Variants in ZNF723 observed in about 807,000 individuals in gnomAD.
ZNF723 encodes zinc finger protein 723, also known as zinc finger protein 723, pseudogene.
ZNF723 carries 5 observed loss-of-function variants against 9.4 expected under a neutral mutation model. That is an observed-to-expected ratio of 0.53 (90% CI 0.28 to 1.12). The LOEUF is 1.12. Ranked by LOEUF, ZNF723 falls within the 50% of genes most tolerant of loss-of-function variation. The probability of loss-of-function intolerance (pLI) is 0.10; values close to 1 mark genes in which losing one functional copy is unlikely to be tolerated. For missense variants in ZNF723, 450 were observed against 501.5 expected (o/e 0.90, Z 0.98); for synonymous variants, 158 against 168.8 (o/e 0.94, Z 0.49).
Position 22,857,848 on chromosome 19 carries a change from C to T in ZNF723, c.957C>T (p.Gly319=). ...AACCCTACAAATGTGAAGAATGTGG[C>T]AAAGCCTTTAACCAGCCCTCACACC... is the stretch of plus-strand genomic sequence containing the variant. ...GEKPYKCEEC[G]KAFNQPSHLA... The change falls in exon 4 of 4, where the codon GGC becomes GGT. Residue 319 remains glycine (G), a synonymous_variant. Coordinates refer to ENST00000600766, the MANE Select transcript of ZNF723 (RefSeq NM_001349726.2). 7.1e-7 allele frequency: 1 copy of T among 1,407,436 alleles called. No homozygotes were observed. The highest frequency in any genetic ancestry group is 1.0e-6 in the Non-Finnish European group (1 of 992,656). 87.2% of individuals were successfully genotyped at this position (1,407,436 alleles called of 1,614,324 possible). A position where few individuals can be genotyped will look rare whatever the true frequency, so the allele number is the denominator to read the frequency against.
At chr19:22,851,670 T>G (rs1429412314) in intron 3 of ZNF723, among the ~76,000 whole-genome samples, 1 of 152,206 alleles carries the variant, frequency 6.6e-6, no homozygotes, top group Non-Finnish European at 1.5e-5. Flanking sequence ...CTGGCCACCA[T>G]GTAGCATTTG....
At chr19:22,812,328 A>G in the ZNF723 span, among the ~76,000 whole-genome samples, 1 of 152,210 alleles carries the variant, frequency 6.6e-6, no homozygotes, top group Non-Finnish European at 1.5e-5. Flanking sequence ...ACCCTCACGC[A>G]TGAACAGAGC....
intron 3 of ZNF723, among the ~76,000 whole-genome samples, chr19:22,856,868 C>G (rs987106073): frequency 1.3e-5 from 2 of 152,146 alleles, no homozygotes; most frequent in Non-Finnish European, 2.9e-5. Flanking sequence ...TGGGTAGATG[C>G]AATAAACTTT....
the ZNF723 span, among the ~76,000 whole-genome samples, chr19:22,816,976 T>C: frequency 6.6e-6 from 1 of 152,364 alleles, no homozygotes; most frequent in East Asian, 1.9e-4. Context: ...ACCTAGGTGA[T>C]GCGGCTATTT....
At chr19:22,820,940 C>T in the ZNF723 span, among the ~76,000 whole-genome samples, 1 of 152,282 alleles carries the variant, frequency 6.6e-6, no homozygotes, top group South Asian at 2.1e-4. Flanking sequence ...GGCTGTGAAT[C>T]TCCCACGTGG....
Position 22,832,595 on chromosome 19 carries a change from C to G in ZNF723, c.3+213C>G, listed in dbSNP as rs568259384. Among the ~76,000 whole-genome samples the G allele has an allele frequency of 3.5e-4, 54 of 152,262 alleles. No homozygotes were observed. The East Asian group carries it at 8.5e-3, about 24-fold the overall frequency. Reference sequence around the variant, plus strand: ...GTCTTGTCTCTTCCCTGGCAGTGACCGTGCCCTGGCCTGGAGCCCTCTCTG... The same window carrying G: ...GTCTTGTCTCTTCCCTGGCAGTGACGGTGCCCTGGCCTGGAGCCCTCTCTG... On this transcript the variant is annotated intron_variant, in intron 1 of 3. Coordinates refer to ENST00000600766, the MANE Select transcript of ZNF723 (RefSeq NM_001349726.2).
At chr19:22,813,753 A>G in the ZNF723 span, among the ~76,000 whole-genome samples, 1 of 151,918 alleles carries the variant, frequency 6.6e-6, no homozygotes, top group African/African-American at 2.4e-5. Flanking sequence ...AAACAAACAA[A>G]CAAACAAAAA....
At chr19:22,853,464 G>A (rs1382060798) in intron 3 of ZNF723, among the ~76,000 whole-genome samples, 3 of 151,970 alleles carry the variant, frequency 2.0e-5, no homozygotes, top group African/African-American at 7.3e-5. Flanking sequence ...TCTCCAGAGT[G>A]TGCTGTTTAA....
rs115008722 is a variant in ZNF723, at chr19:22,852,290, T to C, written c.226+2997T>C. 5.4e-3 allele frequency among the ~76,000 whole-genome samples: 821 copies of C among 152,320 alleles called. 13 individuals are homozygous for C. Among genetic ancestry groups the C allele is most frequent in the African/African-American group, 0.018 (762 of 41,582 alleles). The stretch of plus-strand genomic sequence containing the variant: ...TTTCTGTGTTATATATTTTAGAATA[T>C]GCCACCTCATAGCAGTTAATTGTGT... On this transcript the variant is annotated intron_variant, in intron 3 of 3. Coordinates refer to ENST00000600766, the MANE Select transcript of ZNF723 (RefSeq NM_001349726.2).
intron 3 of ZNF723, among the ~76,000 whole-genome samples, chr19:22,852,025 G>GTGATC (rs1311217443): frequency 6.6e-6 from 1 of 152,140 alleles, no homozygotes; most frequent in Admixed American, 6.5e-5. Flanking sequence ...CCAACCTCAG[G>GTGATC]TGATCTGCCC....
At position 22,857,517 on chromosome 19, in the gene ZNF723, C is replaced by T; in HGVS notation, c.626C>T (p.Ala209Val). The T allele has an allele frequency of 1.6e-6, 2 of 1,225,314 alleles. No individual in the cohort carries two copies. Among genetic ancestry groups the T allele is most frequent in the Non-Finnish European group, 2.4e-6 (2 of 827,534 alleles). The allele number at this position is 1,225,314 out of a possible 1,614,324, so 75.9% of individuals were successfully genotyped here. A position where few individuals can be genotyped will look rare whatever the true frequency, so the allele number is the denominator to read the frequency against. The change falls in exon 4 of 4, where the codon GCC becomes GTC. Residue 209 changes from alanine (A) to valine (V), a missense_variant. Coordinates refer to ENST00000600766, the MANE Select transcript of ZNF723 (RefSeq NM_001349726.2). ...NCYKCEECGKAFSVPSKLNNH... is the reference protein window; with the variant it reads ...NCYKCEECGKVFSVPSKLNNH... ...TACAAATGTGAAGAATGTGGCAAAG[C>T]CTTTAGTGTGCCCTCAAAGCTTAAT...
the ZNF723 span, among the ~76,000 whole-genome samples, chr19:22,818,339 C>T: frequency 1.6e-3 from 244 of 152,240 alleles, 1 homozygote; most frequent in African/African-American, 5.4e-3. Context: ...ATGAATACAG[C>T]CCTCAGTTGA....
the ZNF723 span, among the ~76,000 whole-genome samples, chr19:22,824,166 C>T: frequency 6.6e-6 from 1 of 152,188 alleles, no homozygotes; most frequent in Non-Finnish European, 1.5e-5. Flanking sequence ...ATTGCTGAAA[C>T]CAGGATAATG....
At chr19:22,821,929 T>C in the ZNF723 span, among the ~76,000 whole-genome samples, 1 of 152,122 alleles carries the variant, frequency 6.6e-6, no homozygotes, top group Non-Finnish European at 1.5e-5. Context: ...CCCAATATGG[T>C]GAAACCCCAT....
At chr19:22,848,537 AG>A (rs1568406799) in intron 2 of ZNF723, 150 bp downstream of exon 2, 1 of 661,162 alleles carries the variant, frequency 1.5e-6, no homozygotes, top group Admixed American at 3.2e-5. Context: ...AGTGTAGAAA[AG>A]AATTTCTTCA....
At chr19:22,820,567 G>A in the ZNF723 span, among the ~76,000 whole-genome samples, 1 of 152,132 alleles carries the variant, frequency 6.6e-6, no homozygotes, top group Non-Finnish European at 1.5e-5. Context: ...GATCATAGAT[G>A]CAATAATGAC....
chr19:22,848,377 G>A lies in ZNF723; in HGVS notation c.120G>A (p.Leu40=). The change falls in exon 2 of 4, where the codon CTG becomes CTA. Residue 40 remains leucine, a synonymous_variant. Transcript: ENST00000600766. The stretch of plus-strand genomic sequence containing the variant: ...TGATGTTAGAGAACTACAGAAACCT[G>A]GTCTTCCTGGGTGAGAATAACTTCA... ...RDVMLENYRN[L]VFLGVGVSKP... is the part of the protein sequence containing the mutation. 1 of 1,454,520 alleles carries A rather than the reference G, an allele frequency of 6.9e-7. No homozygotes were observed. The highest frequency in any genetic ancestry group is 9.6e-7 in the Non-Finnish European group (1 of 1,042,606). 90.1% of individuals were successfully genotyped at this position (1,454,520 alleles called of 1,614,324 possible).
intron 1 of ZNF723, among the ~76,000 whole-genome samples, chr19:22,832,826 A>G (rs539389994): frequency 6.6e-6 from 1 of 152,352 alleles, no homozygotes; most frequent in Admixed American, 6.5e-5. Context: ...TTCAAAAATT[A>G]TAGAGCACCC....
the ZNF723 span, among the ~76,000 whole-genome samples, chr19:22,814,175 T>C: frequency 6.6e-6 from 1 of 152,062 alleles, no homozygotes; most frequent in Non-Finnish European, 1.5e-5. Context: ...ATTCAGAAAA[T>C]TGAAAAGATG....
Sources: allele counts gnomAD v4.1 joint callset (sites outside exome capture counted in the v4.1 genomes callset), GRCh38; gene constraint gnomAD v4.1.1; transcripts MANE v1.5; gene names NCBI Gene and HGNC (gene_info 2026-07-23, HGNC 2026-07-21).